The following CPNE5 variants were observed in gnomAD, a reference collection of about 807,000 sequenced individuals.
The protein encoded by CPNE5 is copine-5.
In CPNE5, 42 loss-of-function variants were observed where a neutral mutation model predicts 81.1. The ratio of observed to expected loss-of-function variants is 0.52; its 90% CI spans 0.40 to 0.67. CPNE5 has a LOEUF of 0.67. Ranked by LOEUF, CPNE5 falls within the 30% of genes least tolerant of loss-of-function variation. The pLI is 0.00. For missense variants in CPNE5, 612 were observed against 815.5 expected, an observed-to-expected ratio of 0.75 and a Z score of 3.04; for synonymous variants, 313 against 321.5, an observed-to-expected ratio of 0.97 and a Z score of 0.28.
chr6:36,838,122 C>T (rs910399333), intron 1 of CPNE5, among the ~76,000 whole-genome samples: 2 of 152,228 alleles, frequency 1.3e-5, no homozygotes, highest in African/African-American at 4.8e-5. Context: ...GAGTCCTTCC[C>T]TCCTTCACGC....
intron 9 of CPNE5, among the ~76,000 whole-genome samples, chr6:36,778,355 A>G (rs1031232258): frequency 3.3e-5 from 5 of 152,230 alleles, no homozygotes; most frequent in Admixed American, 1.3e-4. Context: ...AATGAAGCCT[A>G]TGGCAGAGTG....
chr6:36,756,932 CA>C (rs2071527571), intron 12 of CPNE5, among the ~76,000 whole-genome samples: 1 of 152,178 alleles, frequency 6.6e-6, no homozygotes. Context: ...CGGTCTCAAC[CA>C]GGGGCGATTT....
intron 8 of CPNE5, among the ~76,000 whole-genome samples, chr6:36,785,248 G>T (rs1768423717): frequency 6.6e-6 from 1 of 152,122 alleles, no homozygotes; most frequent in South Asian, 2.1e-4. Context: ...AAGGTTGGAG[G>T]TCAGGGGGAG....
chr6:36,818,101 G>A (rs1336255915), intron 3 of CPNE5, among the ~76,000 whole-genome samples: 1 of 152,164 alleles, frequency 6.6e-6, no homozygotes, highest in Non-Finnish European at 1.5e-5. Context: ...TCTGTAGGAT[G>A]AGGAGGTTGA....
chr6:36,820,166 C>T (rs1410387578), intron 3 of CPNE5, among the ~76,000 whole-genome samples: 5 of 152,056 alleles, frequency 3.3e-5, no homozygotes, highest in Admixed American at 2.0e-4. Context: ...CTCCCAGGAC[C>T]GGACCCCTCA....
chr6:36,813,435 G>T (rs1771277927), intron 3 of CPNE5, among the ~76,000 whole-genome samples: 1 of 152,202 alleles, frequency 6.6e-6, no homozygotes, highest in Non-Finnish European at 1.5e-5. Context: ...GGAGGGTGAG[G>T]CAGGAGAATC....
chr6:36,805,755 C>T (rs535176548), intron 3 of CPNE5, among the ~76,000 whole-genome samples: 1 of 152,250 alleles, frequency 6.6e-6, no homozygotes, highest in African/African-American at 2.4e-5. Context: ...CTCTCCCTGG[C>T]AACAAAACTC....
Position 36,746,713 on chromosome 6 carries a change from T to C in CPNE5, c.1019-136A>G, listed in dbSNP as rs1764209033. ...ACTCCTCTCTTTCTCTCATACCCCATGTTAAATCCTTCAGCAAAACAGATC... is the reference window on the plus strand; with the variant it reads ...ACTCCTCTCTTTCTCTCATACCCCACGTTAAATCCTTCAGCAAAACAGATC... On this transcript the variant is annotated intron_variant, in intron 15 of 20. Transcript: ENST00000244751. This position sits in a 1 kb window ranked among gnomAD's most constrained non-coding sequence, Gnocchi z 4.5. 9 of 724,578 alleles carry C rather than the reference T, an allele frequency of 1.2e-5. No homozygotes were observed. The highest frequency in any genetic ancestry group is 3.7e-5 in the African/African-American group (2 of 53,528). 44.9% of individuals were successfully genotyped at this position (724,578 alleles called of 1,614,324 possible).
At position 36,743,670 on chromosome 6, in the gene CPNE5, G is replaced by T. The variant is rs566879296; in HGVS notation, c.1563+19C>A. ...GGGCTCTTGAATTTCCCATGGGGCA[G>T]GCAAGGCCTGGGCTTCACCTGGACG... On this transcript the variant is annotated intron_variant, in intron 20 of 20. Coordinates refer to ENST00000244751, the MANE Select transcript of CPNE5 (RefSeq NM_020939.2). 1.2e-6 allele frequency: 2 copies of T among 1,611,826 alleles called. No individual in the cohort carries two copies. Among genetic ancestry groups the T allele is most frequent in the South Asian group, 2.2e-5 (2 of 91,052 alleles).
intron 3 of CPNE5, among the ~76,000 whole-genome samples, chr6:36,814,672 C>T (rs1392378516): frequency 6.6e-6 from 1 of 152,058 alleles, no homozygotes; most frequent in East Asian, 1.9e-4. Context: ...GGAAGCCAGC[C>T]CATGATGCTC....
intron 9 of CPNE5, among the ~76,000 whole-genome samples, chr6:36,778,269 T>G (rs1487243176): frequency 6.6e-6 from 1 of 152,204 alleles, no homozygotes; most frequent in East Asian, 1.9e-4. Flanking sequence ...TTGTGTATGC[T>G]TCCATCTTAT....
At chr6:36,810,156 A>G (rs1384738531) in intron 3 of CPNE5, among the ~76,000 whole-genome samples, 1 of 151,908 alleles carries the variant, frequency 6.6e-6, no homozygotes, top group African/African-American at 2.4e-5. Flanking sequence ...GCTCTCTGCA[A>G]GCCTGAACAA....
chr6:36,753,173 G>T, intron 13 of CPNE5, 78 bp from the exon 14 acceptor site: 1 of 1,184,436 alleles, frequency 8.4e-7, no homozygotes, highest in Non-Finnish European at 1.3e-6. Flanking sequence ...AGCTGACATT[G>T]ACAGAACACT....
intron 4 of CPNE5, among the ~76,000 whole-genome samples, chr6:36,799,036 G>T (rs911669598): frequency 1.3e-5 from 2 of 152,128 alleles, no homozygotes; most frequent in Non-Finnish European, 1.5e-5. Flanking sequence ...TGCAGGCAGC[G>T]TGATGCTACA....
At chr6:36,784,986 G>A (rs947862780) in intron 8 of CPNE5, among the ~76,000 whole-genome samples, 4 of 150,766 alleles carry the variant, frequency 2.7e-5, no homozygotes, top group Non-Finnish European at 5.9e-5. Flanking sequence ...ATTCCCACCA[G>A]AAACATCACT....
intron 8 of CPNE5, among the ~76,000 whole-genome samples, chr6:36,779,641 T>A (rs1310124482): frequency 6.6e-6 from 1 of 152,044 alleles, no homozygotes; most frequent in Admixed American, 6.5e-5. Context: ...GAGCAGGGAG[T>A]GGCTTCCCCA....
At chr6:36,808,866 T>C (rs1488789548) in intron 3 of CPNE5, among the ~76,000 whole-genome samples, 1 of 152,182 alleles carries the variant, frequency 6.6e-6, no homozygotes, top group Non-Finnish European at 1.5e-5. Flanking sequence ...TCAGAGAGAT[T>C]GAGAGACTTG....
intron 1 of CPNE5, among the ~76,000 whole-genome samples, chr6:36,823,532 A>G (rs1772241004): frequency 6.6e-6 from 1 of 152,236 alleles, no homozygotes; most frequent in African/African-American, 2.4e-5. Flanking sequence ...GGCTCTACTT[A>G]CAGCCAGTTT....
chr6:36,769,627 G>A (rs1766881622), intron 10 of CPNE5, among the ~76,000 whole-genome samples: 1 of 152,204 alleles, frequency 6.6e-6, no homozygotes, highest in Admixed American at 6.5e-5. Flanking sequence ...TCAGGAAGAG[G>A]AGCATCAGGG....
Sources: gnomAD v4.1 joint callset for allele counts (sites outside exome capture counted in the v4.1 genomes callset) on GRCh38, gnomAD v4.1.1 for gene constraint, Gnocchi (gnomAD v3.1) non-coding constraint, MANE v1.5 for transcripts, NCBI Gene and HGNC (gene_info 2026-07-23, HGNC 2026-07-21) for gene names.